The following ANKRD42 variants were observed in gnomAD, a reference collection of about 807,000 sequenced individuals.
ANKRD42 encodes ankyrin repeat domain 42.
Under a neutral mutation model 51.5 loss-of-function variants are expected in ANKRD42, and 43 were observed. The ratio of observed to expected loss-of-function variants is 0.83; its 90% confidence interval spans 0.65 to 1.08. The LOEUF (loss-of-function observed/expected upper bound fraction) is 1.08. ANKRD42 is among the 50% of genes least tolerant of loss of function. The pLI is 0.00. For synonymous variants in ANKRD42, 203 were observed against 213.0 expected (o/e 0.95, Z 0.41); for missense variants, 608 against 629.3 (o/e 0.97, Z 0.36).
At chr11:83,194,984 C>G (rs1861582978) in intron 1 of ANKRD42, among the ~76,000 whole-genome samples, 1 of 152,204 alleles carries the variant, frequency 6.6e-6, no homozygotes. Context: ...CTTGTTCAGT[C>G]TTAATGGACG....
downstream of ANKRD42, chr11:83,262,035 T>C: frequency 8.9e-7 from 1 of 1,117,776 alleles, no homozygotes; most frequent in Non-Finnish European, 1.3e-6. Flanking sequence ...AAGAGAATAA[T>C]GTTATCTTTA....
Position 83,245,378 on chromosome 11 carries a change from C to T in ANKRD42, c.1196-120C>T, listed in dbSNP as rs186406533. 1,649 of 1,066,168 alleles carry T rather than the reference C, an allele frequency of 1.5e-3. 2 individuals are homozygous for T. Among genetic ancestry groups the T allele is most frequent in the Non-Finnish European group, 1.9e-3 (1,491 of 767,136 alleles). 66.0% of individuals were successfully genotyped at this position (1,066,168 alleles called of 1,614,324 possible). A position where few individuals can be genotyped will look rare whatever the true frequency, so the allele number is the denominator to read the frequency against. ...TGTATATACCAACCTTCCTCCACCC[C>T]CCTCTCCAAACCATACAGACACTAG... On this transcript the variant is annotated intron_variant, in intron 9 of 10. Coordinates refer to ENST00000533342, the MANE Select transcript of ANKRD42 (RefSeq NM_001300975.2).
intron 11 of ANKRD42, among the ~76,000 whole-genome samples, chr11:83,254,988 C>T (rs767779611): frequency 3.3e-5 from 5 of 152,088 alleles, no homozygotes; most frequent in Non-Finnish European, 7.4e-5. Flanking sequence ...TTTTTCCAGG[C>T]GGTGTTGGAT....
chr11:83,221,536 A>G (rs1862716736), intron 5 of ANKRD42, among the ~76,000 whole-genome samples: 1 of 152,166 alleles, frequency 6.6e-6, no homozygotes, highest in Non-Finnish European at 1.5e-5. Flanking sequence ...ATGTTTGTAT[A>G]GAGATTCTTT....
At chr11:83,200,878 T>C (rs1278021766) in intron 2 of ANKRD42, among the ~76,000 whole-genome samples, 1 of 152,190 alleles carries the variant, frequency 6.6e-6, no homozygotes, top group Non-Finnish European at 1.5e-5. Context: ...TAACCTCATC[T>C]CCCATCATAA....
chr11:83,215,560 C>T (rs1302282094), intron 5 of ANKRD42, among the ~76,000 whole-genome samples: 1 of 151,978 alleles, frequency 6.6e-6, no homozygotes, highest in Non-Finnish European at 1.5e-5. Flanking sequence ...AGTGATTTTT[C>T]TCTGGTAGTA....
intron 5 of ANKRD42, among the ~76,000 whole-genome samples, chr11:83,219,754 C>A (rs569470766): frequency 1.1e-4 from 16 of 152,318 alleles, no homozygotes; most frequent in Middle Eastern, 3.4e-3. Context: ...ATCTGGGGAG[C>A]AATGGAGGAA....
intron 10 of ANKRD42, among the ~76,000 whole-genome samples, chr11:83,246,874 A>G (rs1177451610): frequency 6.6e-6 from 1 of 152,258 alleles, no homozygotes; most frequent in Non-Finnish European, 1.5e-5. Flanking sequence ...TCTTCCATGG[A>G]TGGATACTTG....
intron 1 of ANKRD42, among the ~76,000 whole-genome samples, chr11:83,195,500 CAT>C (rs774878686): frequency 6.6e-6 from 1 of 152,182 alleles, no homozygotes; most frequent in Non-Finnish European, 1.5e-5. Flanking sequence ...GAGCTGCAAA[CAT>C]ATATATAGAT....
chr11:83,260,429 C>G (rs919689358), downstream of ANKRD42: 1 of 152,130 alleles, frequency 6.6e-6, no homozygotes, highest in African/African-American at 2.4e-5. Flanking sequence ...ATACTAAGAA[C>G]TCTCTTAGGC....
At chr11:83,258,620 A>G (rs1240558248), downstream of ANKRD42, among the ~76,000 whole-genome samples, 1 of 152,194 alleles carries the variant, frequency 6.6e-6, no homozygotes, top group Non-Finnish European at 1.5e-5. Context: ...AGGTGAGCAC[A>G]TATATGTTAT....
intron 11 of ANKRD42, among the ~76,000 whole-genome samples, chr11:83,253,977 C>T (rs1299068183): frequency 6.6e-6 from 1 of 152,020 alleles, no homozygotes; most frequent in African/African-American, 2.4e-5. Flanking sequence ...CTTTGGAAGT[C>T]TTTAATTAAT....
Position 83,255,872 on chromosome 11 carries a change from AAAGAG to A in ANKRD42, c.1498_1502del (p.Lys500AlafsTer27), listed in dbSNP as rs1196634012. On this transcript the variant is annotated frameshift_variant, in exon 12 of 12. Coordinates refer to the ANKRD42 transcript ENST00000260047. LOFTEE classifies it high-confidence loss of function. ...AGACAGCGCTTCTTGTGAGTCAAAC[AAAGAG>A]AAGAGGCGAGTAAAAAAAAAGGTTT... The A allele has an allele frequency of 5.9e-6, 9 of 1,534,288 alleles. No homozygotes were observed. In the South Asian group the frequency reaches 8.4e-5, roughly 14 times the overall value.
At chr11:83,226,605 T>C (rs1302006643) in intron 6 of ANKRD42, among the ~76,000 whole-genome samples, 1 of 152,126 alleles carries the variant, frequency 6.6e-6, no homozygotes, top group African/African-American at 2.4e-5. Context: ...ATCAAGGCAG[T>C]GTGTAGTAAT....
chr11:83,200,317 ACTT>A (rs67277467), intron 2 of ANKRD42, among the ~76,000 whole-genome samples: 45,534 of 151,480 alleles, frequency 0.3, 7,766 homozygotes, highest in East Asian at 0.57. Context: ...AGTCTTTTAA[ACTT>A]CTTTGGCTTT....
At chr11:83,225,367 G>C (rs574072560) in intron 6 of ANKRD42, among the ~76,000 whole-genome samples, 1 of 152,024 alleles carries the variant, frequency 6.6e-6, no homozygotes, top group Non-Finnish European at 1.5e-5. Context: ...AGAAGTTTGA[G>C]ACCAACTTGG....
intron 5 of ANKRD42, among the ~76,000 whole-genome samples, chr11:83,224,459 T>C (rs1181302983): frequency 2.6e-5 from 4 of 152,236 alleles, no homozygotes; most frequent in Admixed American, 6.5e-5. Context: ...AACCATTTAC[T>C]CACTGCTTTG....
chr11:83,199,989 A>G (rs193248579), intron 2 of ANKRD42, among the ~76,000 whole-genome samples: 135 of 150,824 alleles, frequency 9.0e-4, no homozygotes, highest in South Asian at 8.0e-3. Flanking sequence ...CCACATTCCT[A>G]TTTGTTCTGC....
In ANKRD42 at chr11:83,227,837, AG is replaced by A; in HGVS notation, c.879del (p.Glu293AspfsTer19). On this transcript the variant is annotated frameshift_variant, in exon 7 of 11. Transcript: ENST00000533342. LOFTEE classifies it high-confidence loss of function. ...GAAGATGGAGTAATCAATATTAATG[AG>A]CGTGCTGATAATGGATCAACTCCTA... ...LVEDGVININ[E>X]RADNGSTPMH... The A allele has an allele frequency of 1.2e-6, 2 of 1,612,608 alleles. No homozygotes were observed. The highest frequency in any genetic ancestry group is 1.7e-6 in the Non-Finnish European group (2 of 1,179,466).
Sources: gnomAD v4.1 joint callset for allele counts (sites outside exome capture counted in the v4.1 genomes callset) on GRCh38, gnomAD v4.1.1 for gene constraint, MANE v1.5 for transcripts, NCBI Gene and HGNC (gene_info 2026-07-23, HGNC 2026-07-21) for gene names.